Variants in SEPTIN11 observed in about 807,000 individuals in gnomAD.
SEPTIN11 encodes the protein septin 11.
Under a neutral mutation model 51.4 loss-of-function variants are expected in SEPTIN11, and 25 were observed. The ratio of observed to expected loss-of-function variants is 0.49; its 90% CI spans 0.35 to 0.68. SEPTIN11 has a LOEUF of 0.68. Ranked by LOEUF, SEPTIN11 falls within the 30% of genes least tolerant of loss-of-function variation. SEPTIN11 has a pLI of 0.00. For missense variants in SEPTIN11, 381 were observed against 520.8 expected, an observed-to-expected ratio of 0.73 and a Z score of 2.61; for synonymous variants, 174 against 184.1, an observed-to-expected ratio of 0.95 and a Z score of 0.44.
intron 1 of SEPTIN11, among the ~76,000 whole-genome samples, chr4:76,986,200 C>T (rs935086358): frequency 1.3e-5 from 2 of 151,928 alleles, no homozygotes; most frequent in Admixed American, 6.6e-5. Flanking sequence ...TTATCAGATG[C>T]ATGCTAATAC....
At chr4:77,004,690 T>TCA (rs1308960410) in intron 2 of SEPTIN11, among the ~76,000 whole-genome samples, 1 of 152,106 alleles carries the variant, frequency 6.6e-6, no homozygotes, top group Non-Finnish European at 1.5e-5. Flanking sequence ...TAGCCGGGCG[T>TCA]GGTGGCTCAT....
At chr4:77,034,409 C>G in intron 9 of SEPTIN11, 88 bp from the exon 10 acceptor site, 1 of 1,140,420 alleles carries the variant, frequency 8.8e-7, no homozygotes, top group Non-Finnish European at 1.2e-6. Flanking sequence ...TTCACCATCA[C>G]TGAATGCTGG....
At chr4:76,950,479 T>A (rs761752045) in intron 1 of SEPTIN11, among the ~76,000 whole-genome samples, 4 of 152,206 alleles carry the variant, frequency 2.6e-5, no homozygotes, top group Non-Finnish European at 5.9e-5. Context: ...CTGCCCAGGA[T>A]GTGGACAAAG....
At chr4:77,027,164 C>A (rs939638495) in intron 7 of SEPTIN11, among the ~76,000 whole-genome samples, 6 of 152,174 alleles carry the variant, frequency 3.9e-5, no homozygotes, top group African/African-American at 1.4e-4. Flanking sequence ...GAGATGGAGT[C>A]TTGCTCTGTT....
chr4:77,019,361 T>G (rs368721726), intron 6 of SEPTIN11, 100 bp downstream of exon 6: 1 of 977,886 alleles, frequency 1.0e-6, no homozygotes, highest in African/African-American at 1.6e-5. Flanking sequence ...CCCTCAACAG[T>G]GGGCTGGCAG....
At position 77,035,315 on chromosome 4, in the gene SEPTIN11, T is replaced by C; in HGVS notation, c.*803T>C. ...CTTCTTCTAAGGATGATGGGCTTTC[T>C]ACAGCCTGCTTACCACTAACAGTAA... On this transcript the variant is annotated 3_prime_UTR_variant, in exon 10 of 10. Transcript: ENST00000264893. The C allele has an allele frequency of 1.0e-6, 1 of 985,460 alleles. No individual in the cohort carries two copies. Among genetic ancestry groups the C allele is most frequent in the Non-Finnish European group, 1.2e-6 (1 of 829,940 alleles). 61.0% of individuals were successfully genotyped at this position (985,460 alleles called of 1,614,324 possible).
At chr4:77,001,380 C>T (rs940594984) in intron 2 of SEPTIN11, among the ~76,000 whole-genome samples, 2 of 150,978 alleles carry the variant, frequency 1.3e-5, no homozygotes, top group African/African-American at 4.9e-5. Flanking sequence ...TGGAGTCTCT[C>T]ACTCTGTCGC....
intron 2 of SEPTIN11, among the ~76,000 whole-genome samples, chr4:77,002,078 C>G (rs1050715189): frequency 6.6e-5 from 10 of 152,204 alleles, no homozygotes; most frequent in African/African-American, 2.4e-4. Context: ...GTGAATCACA[C>G]TGCTGCTGGA....
intron 3 of SEPTIN11, among the ~76,000 whole-genome samples, chr4:77,006,110 C>A (rs1199535760): frequency 6.6e-6 from 1 of 152,024 alleles, no homozygotes; most frequent in Non-Finnish European, 1.5e-5. Context: ...CCAGGAAAAG[C>A]AATCTAGAGA....
chr4:77,036,474 A>C lies in SEPTIN11; in HGVS notation c.*1962A>C. The stretch of plus-strand genomic sequence containing the variant: ...GCTTGTACAGAAAGTACACTTTTAA[A>C]TTGTCTCTTGCATCACTAAAATTTT... On this transcript the variant is annotated 3_prime_UTR_variant, in exon 10 of 10. Transcript: ENST00000264893. 7.9e-7 allele frequency: 1 copy of C among 1,268,476 alleles called. No homozygotes were observed. The highest frequency in any genetic ancestry group is 1.0e-6 in the Non-Finnish European group (1 of 1,002,424). The allele number at this position is 1,268,476 out of a possible 1,614,324, so 78.6% of individuals were successfully genotyped here. A position where few individuals can be genotyped will look rare whatever the true frequency, so the allele number is the denominator to read the frequency against.
At chr4:77,005,570 A>AT in intron 2 of SEPTIN11, 31 bp from the exon 3 acceptor site, 4 of 1,584,122 alleles carry the variant, frequency 2.5e-6, no homozygotes, top group Non-Finnish European at 3.5e-6. Flanking sequence ...ACATTGACAC[A>AT]TTCTCTGATT....
At chr4:76,957,258 G>A (rs981129008) in intron 1 of SEPTIN11, among the ~76,000 whole-genome samples, 1 of 151,980 alleles carries the variant, frequency 6.6e-6, no homozygotes, top group African/African-American at 2.4e-5. Context: ...TTGGGACCTC[G>A]GCCCTTTGGA....
chr4:77,034,696 G>A lies in SEPTIN11; in HGVS notation c.*184G>A, dbSNP rs973933554. On this transcript the variant is annotated 3_prime_UTR_variant, in exon 10 of 10. Coordinates refer to ENST00000264893, the MANE Select transcript of SEPTIN11 (RefSeq NM_018243.4). The stretch of plus-strand genomic sequence containing the variant: ...GGGTGGTAGAAAATGATAGAACAAG[G>A]GAATAACCGCGAATGCTCTGTGCAG... The A allele has an allele frequency of 7.6e-7, 1 of 1,314,676 alleles. No individual in the cohort carries two copies. 81.4% of individuals were successfully genotyped at this position (1,314,676 alleles called of 1,614,324 possible). A position where few individuals can be genotyped will look rare whatever the true frequency, so the allele number is the denominator to read the frequency against.
intron 8 of SEPTIN11, 53 bp downstream of exon 8, chr4:77,028,814 A>G: frequency 6.4e-7 from 1 of 1,565,882 alleles, no homozygotes; most frequent in South Asian, 1.2e-5. Flanking sequence ...GAGATTTTCT[A>G]AATACATCAC....
chr4:77,036,932 G>C lies in SEPTIN11; in HGVS notation c.*2420G>C. Reference sequence around the variant, plus strand: ...GATAGATTTTTTTTTTCTTTTCAAGGGGGGCAGGAAGGTAATGGTTTGAGT... The same window carrying C: ...GATAGATTTTTTTTTTCTTTTCAAGCGGGGCAGGAAGGTAATGGTTTGAGT... On this transcript the variant is annotated 3_prime_UTR_variant, in exon 10 of 10. Transcript: ENST00000264893. The C allele has an allele frequency of 7.6e-7, 1 of 1,324,332 alleles. No homozygotes were observed. Among genetic ancestry groups the C allele is most frequent in the South Asian group, 2.2e-5 (1 of 44,600 alleles). 82.0% of individuals were successfully genotyped at this position (1,324,332 alleles called of 1,614,324 possible). A position where few individuals can be genotyped will look rare whatever the true frequency, so the allele number is the denominator to read the frequency against.
downstream of SEPTIN11, chr4:77,039,233 C>T: frequency 8.1e-7 from 1 of 1,229,100 alleles, no homozygotes; most frequent in Non-Finnish European, 1.0e-6. Flanking sequence ...AAATATTGCA[C>T]TGCTGTTTGT....
intron 3 of SEPTIN11, among the ~76,000 whole-genome samples, chr4:77,008,710 T>C (rs1415242225): frequency 6.6e-6 from 1 of 151,910 alleles, no homozygotes; most frequent in East Asian, 1.9e-4. Flanking sequence ...GCTGGAGGTA[T>C]ATGGAAAAAA....
intron 7 of SEPTIN11, among the ~76,000 whole-genome samples, chr4:77,023,289 C>CACACACAT (rs1014941341): frequency 4.7e-5 from 7 of 147,854 alleles, no homozygotes; most frequent in African/African-American, 1.7e-4. Context: ...CACACACACA[C>CACACACAT]ACACACACAC....
chr4:77,038,152 A>G lies in SEPTIN11; in HGVS notation c.*3640A>G, dbSNP rs1362525449. ...GAAAAGTCCTGGTTCCACTGACAGG[A>G]CACATTCTTTAGTGGGAATTAAGAC... is the stretch of plus-strand genomic sequence containing the variant. On this transcript the variant is annotated 3_prime_UTR_variant, in exon 10 of 10. Transcript: ENST00000264893. 2 of 985,768 alleles carry G rather than the reference A, an allele frequency of 2.0e-6. No homozygotes were observed. The highest frequency in any genetic ancestry group is 2.4e-6 in the Non-Finnish European group (2 of 829,946). 61.1% of individuals were successfully genotyped at this position (985,768 alleles called of 1,614,324 possible).
Sources: gnomAD v4.1 joint callset for allele counts (sites outside exome capture counted in the v4.1 genomes callset) on GRCh38, gnomAD v4.1.1 for gene constraint, MANE v1.5 for transcripts, NCBI Gene and HGNC (gene_info 2026-07-23, HGNC 2026-07-21) for gene names.